Variants in CHDH observed in about 807,000 individuals in gnomAD.
CHDH encodes the protein choline dehydrogenase.
CHDH carries 43 observed loss-of-function variants against 56.9 expected under a neutral mutation model. That is an observed-to-expected ratio of 0.76 (90% confidence interval 0.59 to 0.97). CHDH has a LOEUF of 0.97. CHDH is among the 50% of genes least tolerant of loss of function. The pLI is 0.00. For missense variants in CHDH, 816 were observed against 821.1 expected (o/e 0.99, Z 0.08); for synonymous variants, 364 against 348.5 (o/e 1.04, Z -0.50).
intron 2 of CHDH, among the ~76,000 whole-genome samples, chr3:53,833,872 G>A (rs563077850): frequency 8.5e-5 from 13 of 152,236 alleles, no homozygotes; most frequent in African/African-American, 2.4e-4. Context: ...GAGTCCTCCC[G>A]CGGCACTGGG....
At position 53,817,610 on chromosome 3, in the gene CHDH, A is replaced by G. The variant is rs567394748; in HGVS notation, c.*167T>C. 5.5e-4 allele frequency: 337 copies of G among 616,954 alleles called. No individual in the cohort carries two copies. Among genetic ancestry groups the G allele is most frequent in the Non-Finnish European group, 7.2e-4 (255 of 356,204 alleles). 38.2% of individuals were successfully genotyped at this position (616,954 alleles called of 1,614,324 possible). On this transcript the variant is annotated 3_prime_UTR_variant, in exon 9 of 9. Coordinates refer to ENST00000315251, the MANE Select transcript of CHDH (RefSeq NM_018397.5). ...AAAGGAGCTGGATTCACTGCCCAGT[A>G]CTTGTCTCATTTCCCAAGACTTTAT...
rs565072331 is a variant in CHDH at position 53,835,869 on chromosome 3, G to A, written c.-60+5060C>T. Among the ~76,000 whole-genome samples the A allele has an allele frequency of 5.3e-5, 8 of 152,280 alleles. No homozygotes were observed. In the South Asian group the frequency reaches 1.5e-3, roughly 28 times the overall value. On this transcript the variant is annotated intron_variant, in intron 2 of 8. Coordinates refer to ENST00000315251, the MANE Select transcript of CHDH (RefSeq NM_018397.5). ...AGCCCCATGTCACAGAGAGGGAAAC[G>A]AGCCTGAAGAGGTCGAGCCCCTGCC...
rs1252378828 is a variant in CHDH, at chr3:53,818,194, TTC to T, written c.1367-1_1367del. 6.3e-7 allele frequency: 1 copy of T among 1,597,590 alleles called. No homozygotes were observed. The highest frequency in any genetic ancestry group is 2.2e-5 in the East Asian group (1 of 44,820). On this transcript the variant is annotated splice_acceptor_variant and coding_sequence_variant, in exon 9 of 9. Transcript: ENST00000315251. LOFTEE classifies it high-confidence loss of function. ...ACAGACGGAAATCCTCAATATCAGT[TTC>T]TGTCGAGGAGAAGAAACAGGTGAGG...
rs755620844 is a variant in CHDH at position 53,819,610 on chromosome 3, G to T, written c.1185C>A (p.His395Gln). The T allele has an allele frequency of 6.2e-7, 1 of 1,612,706 alleles. No homozygotes were observed. The highest frequency in any genetic ancestry group is 8.5e-7 in the Non-Finnish European group (1 of 1,179,256). ...GFIRSQPGVP[H>Q]PDIQFHFLPS... Reference sequence around the variant, plus strand: ...GCAGGAAATGGAACTGGATGTCCGGGTGGGGGACCCCAGGCTGGCTGCGGA... The same window carrying T: ...GCAGGAAATGGAACTGGATGTCCGGTTGGGGGACCCCAGGCTGGCTGCGGA... The change falls in exon 7 of 9, where the codon CAC becomes CAA. Residue 395 changes from histidine to glutamine, a missense_variant. By Grantham distance (24) the His-to-Gln change is conservative. Coordinates refer to ENST00000315251, the MANE Select transcript of CHDH (RefSeq NM_018397.5). This position sits in a 1 kb window ranked among gnomAD's most constrained non-coding sequence, Gnocchi z 5.4.
chr3:53,834,431 A>G (rs1459668539), intron 2 of CHDH, among the ~76,000 whole-genome samples: 1 of 152,210 alleles, frequency 6.6e-6, no homozygotes, highest in Admixed American at 6.5e-5. Context: ...GCAGGGACAC[A>G]GTGAGACTCT....
At position 53,822,657 on chromosome 3, in the gene CHDH, G is replaced by C. The variant is rs1325037194; in HGVS notation, c.704-15C>G. ...CCACCGTTTGCCTGCAGGATGGAGT[G>C]AGGTGGTCAGGCATGGCTCCGCCCT... On this transcript the variant is annotated splice_polypyrimidine_tract_variant and intron_variant, in intron 3 of 8. Transcript: ENST00000315251. 3 of 1,603,350 alleles carry C rather than the reference G, an allele frequency of 1.9e-6. No homozygotes were observed. In the African/African-American group the frequency reaches 4.0e-5, roughly 21 times the overall value.
chr3:53,837,475 G>C (rs1416041863), intron 2 of CHDH, among the ~76,000 whole-genome samples: 2 of 152,254 alleles, frequency 1.3e-5, no homozygotes, highest in African/African-American at 4.8e-5. Flanking sequence ...CCTGAAGTCT[G>C]ACATCGCATC....
At chr3:53,824,499 A>T (rs1212950467) in intron 2 of CHDH, among the ~76,000 whole-genome samples, 1 of 152,242 alleles carries the variant, frequency 6.6e-6, no homozygotes. Flanking sequence ...AGCAATACAC[A>T]GAAAGACATC....
chr3:53,823,201 G>T, intron 3 of CHDH, 105 bp downstream of exon 3: 1 of 1,073,080 alleles, frequency 9.3e-7, no homozygotes, highest in Non-Finnish European at 1.3e-6. Flanking sequence ...GTCTGCCCAT[G>T]CCTCCTGACC....
intron 2 of CHDH, among the ~76,000 whole-genome samples, chr3:53,828,597 G>A (rs1167567008): frequency 6.6e-6 from 1 of 152,156 alleles, no homozygotes. Context: ...GACCTTAACA[G>A]ACACCTCACT....
Position 53,816,212 on chromosome 3 carries a change from C to G in CHDH, c.*1565G>C, listed in dbSNP as rs4687744. On this transcript the variant is annotated 3_prime_UTR_variant, in exon 9 of 9. Coordinates refer to ENST00000315251, the MANE Select transcript of CHDH (RefSeq NM_018397.5). ...AAAGCCTGGAATCCCCCAATTTCCT[C>G]CCGTCCTTATTCTGGGCCTAGTATA... is the stretch of plus-strand genomic sequence containing the variant. 0.055 allele frequency: 8,138 copies of G among 149,272 alleles called. 369 individuals carry two copies. Among genetic ancestry groups the G allele is most frequent in the Admixed American group, 0.14 (2,009 of 14,738 alleles). 9.2% of individuals were successfully genotyped at this position (149,272 alleles called of 1,614,324 possible). A position where few individuals can be genotyped will look rare whatever the true frequency, so the allele number is the denominator to read the frequency against.
At chr3:53,823,166 T>C (rs2095631133) in intron 3 of CHDH, 140 bp downstream of exon 3, 1 of 763,598 alleles carries the variant, frequency 1.3e-6, no homozygotes, top group Admixed American at 3.2e-5. Context: ...CTAAGCCAGA[T>C]CTCTTCCCGG....
intron 2 of CHDH, among the ~76,000 whole-genome samples, chr3:53,828,187 A>ACACACACG (rs1698211260): frequency 6.6e-6 from 1 of 151,922 alleles, no homozygotes; most frequent in African/African-American, 2.4e-5. Context: ...ACACACACAC[A>ACACACACG]CACACACACA....
rs149286585 is a variant in CHDH at position 53,822,894 on chromosome 3, A to G, written c.704-252T>C. Among the ~76,000 whole-genome samples, 33 of 152,268 alleles carry G rather than the reference A, an allele frequency of 2.2e-4. 1 individual carries two copies. In the East Asian group the frequency reaches 6.4e-3, roughly 29 times the overall value. The stretch of plus-strand genomic sequence containing the variant: ...AGGAGGACACAGAGACCAGGAGCAC[A>G]GCCAGAGGGGTGAGAGCCTTCAAGA... On this transcript the variant is annotated intron_variant, in intron 3 of 8. Coordinates refer to ENST00000315251, the MANE Select transcript of CHDH (RefSeq NM_018397.5).
At position 53,814,656 on chromosome 3, in the gene CHDH, T is replaced by A. The variant is rs2095612690; in HGVS notation, c.*3121A>T. ...CGGGACATGGTTGGGTGGAGAAGAATCTGTTTTTTTGTTGTTTTTTTTTGA... is the reference window on the plus strand; with the variant it reads ...CGGGACATGGTTGGGTGGAGAAGAAACTGTTTTTTTGTTGTTTTTTTTTGA... On this transcript the variant is annotated 3_prime_UTR_variant, in exon 9 of 9. Transcript: ENST00000315251. The A allele has an allele frequency of 1.3e-5, 2 of 151,860 alleles. No individual in the cohort carries two copies. The highest frequency in any genetic ancestry group is 2.4e-5 in the African/African-American group (1 of 41,330). The allele number at this position is 151,860 out of a possible 1,614,324, so 9.4% of individuals were successfully genotyped here. A position where few individuals can be genotyped will look rare whatever the true frequency, so the allele number is the denominator to read the frequency against.
At position 53,820,398 on chromosome 3, in the gene CHDH, C is replaced by G. The variant is rs908171462; in HGVS notation, c.1120+76G>C. The G allele has an allele frequency of 6.6e-6, 10 of 1,517,226 alleles. No homozygotes were observed. In the African/African-American group the frequency reaches 1.4e-4, roughly 21 times the overall value. 94.0% of individuals were successfully genotyped at this position (1,517,226 alleles called of 1,614,324 possible). Reference sequence around the variant, plus strand: ...CGCATCAAACCCAGTGGCCAGAACCCCTGTTCAGCTCCTCAGGAAGGAGGT... The same window carrying G: ...CGCATCAAACCCAGTGGCCAGAACCGCTGTTCAGCTCCTCAGGAAGGAGGT... On this transcript the variant is annotated intron_variant, in intron 6 of 8. Transcript: ENST00000315251.
chr3:53,818,191 A>G lies in CHDH; in HGVS notation c.1371T>C (p.Thr457=). 1.3e-6 allele frequency: 2 copies of G among 1,599,736 alleles called. No homozygotes were observed. The highest frequency in any genetic ancestry group is 1.7e-6 in the Non-Finnish European group (2 of 1,173,758). ...CACACAGACGGAAATCCTCAATATC[A>G]GTTTCTGTCGAGGAGAAGAAACAGG... ...VIQPNYLSTE[T]DIEDFRLCVK... Residue 457 remains threonine (T), a synonymous_variant, in exon 9 of 9, where the codon ACT becomes ACC. Coordinates refer to ENST00000315251, the MANE Select transcript of CHDH (RefSeq NM_018397.5).
intron 2 of CHDH, among the ~76,000 whole-genome samples, chr3:53,830,201 T>G (rs563824877): frequency 2.6e-5 from 4 of 152,000 alleles, no homozygotes; most frequent in Admixed American, 2.6e-4. Flanking sequence ...TTTTTTTTTT[T>G]GGTGGAAATT....
intron 2 of CHDH, among the ~76,000 whole-genome samples, 175 bp downstream of exon 2, chr3:53,840,754 G>C (rs1188290677): frequency 1.3e-5 from 2 of 152,334 alleles, no homozygotes; most frequent in African/African-American, 4.8e-5. Context: ...CACCAGAGGA[G>C]TGAAGGAAAG....
Sources: allele counts gnomAD v4.1 joint callset (sites outside exome capture counted in the v4.1 genomes callset), GRCh38; gene constraint gnomAD v4.1.1; non-coding constraint Gnocchi (gnomAD v3.1); transcripts MANE v1.5; gene names NCBI Gene and HGNC (gene_info 2026-07-23, HGNC 2026-07-21).